Variants in FTO observed in about 807,000 individuals in gnomAD.
The protein encoded by FTO is FTO alpha-ketoglutarate dependent dioxygenase.
Under a neutral mutation model 63.9 loss-of-function variants are expected in FTO, and 47 were observed. The observed-to-expected ratio is 0.74, with a 90% CI of 0.58 to 0.94. The LOEUF (loss-of-function observed/expected upper bound fraction) is 0.94. FTO is among the 40% of genes least tolerant of loss of function. FTO has a pLI of 0.00. For synonymous variants in FTO, 207 were observed against 224.4 expected, an observed-to-expected ratio of 0.92 and a Z score of 0.69; for missense variants, 562 against 618.1, an observed-to-expected ratio of 0.91 and a Z score of 0.96.
intron 8 of FTO, among the ~76,000 whole-genome samples, chr16:53,982,165 C>A (rs1488199362): frequency 6.6e-6 from 1 of 152,114 alleles, no homozygotes; most frequent in African/African-American, 2.4e-5. Flanking sequence ...CCTCACCTCA[C>A]CACATTCTGT....
At chr16:53,987,631 C>T (rs1416089251) in intron 8 of FTO, among the ~76,000 whole-genome samples, 2 of 151,572 alleles carry the variant, frequency 1.3e-5, no homozygotes, top group African/African-American at 4.8e-5. Context: ...ATGGCTTCCC[C>T]CCATTCTATG....
In FTO at chr16:53,805,938, C is replaced by A. The variant is rs577097296; in HGVS notation, c.46-4202C>A. Among the ~76,000 whole-genome samples the A allele has an allele frequency of 2.0e-5, 3 of 152,284 alleles. No homozygotes were observed. In the South Asian group the frequency reaches 6.2e-4, roughly 32 times the overall value. On this transcript the variant is annotated intron_variant, in intron 1 of 8. Coordinates refer to ENST00000471389, the MANE Select transcript of FTO (RefSeq NM_001080432.3). Reference sequence around the variant, plus strand: ...GATGTATTTGACACAAGTGTGACAGCAAAGAAGTGTGTGAGCAGAGCAGTG... The same window carrying A: ...GATGTATTTGACACAAGTGTGACAGAAAAGAAGTGTGTGAGCAGAGCAGTG...
chr16:53,959,493 A>G (rs751791929), intron 8 of FTO, among the ~76,000 whole-genome samples: 26 of 151,954 alleles, frequency 1.7e-4, no homozygotes, highest in African/African-American at 2.2e-4. Flanking sequence ...TGTCAGTAGT[A>G]GCTAATAATA....
chr16:53,880,081 A>C, intron 6 of FTO, 94 bp downstream of exon 6: 1 of 893,722 alleles, frequency 1.1e-6, no homozygotes, highest in South Asian at 1.4e-5. Flanking sequence ...TACAACCTCC[A>C]TCTCCCAGGT....
chr16:53,951,460 C>T (rs1474647478), intron 8 of FTO, among the ~76,000 whole-genome samples: 9 of 152,140 alleles, frequency 5.9e-5, no homozygotes, highest in African/African-American at 4.8e-5. Context: ...GAGTTTGTGC[C>T]TAGGGAGACT....
At chr16:53,754,512 C>T (rs2076873877) in intron 1 of FTO, among the ~76,000 whole-genome samples, 1 of 152,192 alleles carries the variant, frequency 6.6e-6, no homozygotes, top group South Asian at 2.1e-4. Context: ...GTGGCGGATG[C>T]CTATAATCCC....
intron 3 of FTO, among the ~76,000 whole-genome samples, chr16:53,828,652 C>A (rs891780176): frequency 6.6e-6 from 1 of 152,292 alleles, no homozygotes; most frequent in East Asian, 1.9e-4. Context: ...GTCTTCCCAA[C>A]AATTCAAAGA....
intron 6 of FTO, 88 bp from the exon 7 acceptor site, chr16:53,888,744 C>A: frequency 7.1e-7 from 1 of 1,409,340 alleles, no homozygotes; most frequent in Non-Finnish European, 1.0e-6. Flanking sequence ...CATCAAGTTA[C>A]TGGAGGAGAA....
chr16:53,792,689 T>C (rs527496220), intron 1 of FTO, among the ~76,000 whole-genome samples: 10 of 152,294 alleles, frequency 6.6e-5, no homozygotes, highest in Admixed American at 1.3e-4. Flanking sequence ...CTCATGGAGC[T>C]CTATCCTCTG....
At chr16:53,832,787 G>A (rs1243691106) in intron 3 of FTO, among the ~76,000 whole-genome samples, 3 of 152,004 alleles carry the variant, frequency 2.0e-5, no homozygotes, top group Non-Finnish European at 2.9e-5. Flanking sequence ...CAGTTGAGTG[G>A]CATTAAGCAT....
chr16:54,009,195 C>T (rs7201494), intron 8 of FTO, among the ~76,000 whole-genome samples: 78,240 of 151,822 alleles, frequency 0.52, 22,466 homozygotes, highest in African/African-American at 0.77. Flanking sequence ...ACCCCTTTTT[C>T]TGCTGCTGTA....
intron 8 of FTO, among the ~76,000 whole-genome samples, chr16:54,083,543 T>C (rs574358869): frequency 1.8e-4 from 27 of 152,302 alleles, no homozygotes; most frequent in African/African-American, 5.5e-4. Context: ...TACAATAATA[T>C]GCCAGTTTTA....
intron 1 of FTO, among the ~76,000 whole-genome samples, chr16:53,756,009 G>T (rs1294989305): frequency 1.3e-5 from 2 of 152,200 alleles, no homozygotes; most frequent in East Asian, 3.8e-4. Context: ...TACACTTGCA[G>T]AAGATGAAAA....
intron 7 of FTO, among the ~76,000 whole-genome samples, chr16:53,928,077 C>G (rs916300080): frequency 6.6e-6 from 1 of 152,044 alleles, no homozygotes; most frequent in African/African-American, 2.4e-5. Context: ...TTATTATCAC[C>G]ATTTGGAGTT....
intron 8 of FTO, among the ~76,000 whole-genome samples, chr16:54,013,084 G>A (rs1166704075): frequency 6.6e-6 from 1 of 152,144 alleles, no homozygotes; most frequent in African/African-American, 2.4e-5. Flanking sequence ...CTTCTGGGAA[G>A]GATTCACCAT....
intron 1 of FTO, among the ~76,000 whole-genome samples, chr16:53,766,073 T>A (rs9930397): frequency 0.42 from 63,239 of 151,850 alleles, 13,381 homozygotes; most frequent in Non-Finnish European, 0.44. Context: ...AGTTGGTGAC[T>A]GTGCAGATAG....
Position 53,826,061 on chromosome 16 carries a change from G to A in FTO, c.321G>A (p.Lys107=), listed in dbSNP as rs1192984797. The change falls in exon 3 of 9, where the codon AAG becomes AAA. Residue 107 remains lysine (K), a synonymous_variant. Transcript: ENST00000471389. ...ILIGNPGCTY[K]YLNTRLFTVP... is the part of the protein sequence containing the mutation. ...TTGGTAATCCAGGCTGCACCTACAAGTACCTGAACACCAGGCTCTTTACGG... is the reference window on the plus strand; with the variant it reads ...TTGGTAATCCAGGCTGCACCTACAAATACCTGAACACCAGGCTCTTTACGG... The A allele has an allele frequency of 1.9e-6, 3 of 1,614,138 alleles. No homozygotes were observed. The highest frequency in any genetic ancestry group is 1.7e-6 in the Non-Finnish European group (2 of 1,180,028).
rs186979623 is a variant in FTO, at chr16:54,097,332, T to G, written c.1365-14430T>G. Among the ~76,000 whole-genome samples, 158 of 151,890 alleles carry G rather than the reference T, an allele frequency of 1.0e-3. 2 individuals carry two copies. Among genetic ancestry groups the G allele is most frequent in the East Asian group, 2.5e-3 (13 of 5,176 alleles). ...TAGCTTGCTCTTTTTTTGTTTTTTT[T>G]TTGTTGTTGTTGTTGTGTTGTTTTT... is the stretch of plus-strand genomic sequence containing the variant. On this transcript the variant is annotated intron_variant, in intron 8 of 8. Coordinates refer to ENST00000471389, the MANE Select transcript of FTO (RefSeq NM_001080432.3).
chr16:53,716,809 GA>G (rs1364203619), intron 1 of FTO, among the ~76,000 whole-genome samples: 1 of 150,936 alleles, frequency 6.6e-6, no homozygotes, highest in Non-Finnish European at 1.5e-5. Context: ...ATATGAGGCA[GA>G]AAAAAGTCTC....
Sources: gnomAD v4.1 joint callset for allele counts (sites outside exome capture counted in the v4.1 genomes callset) on GRCh38, gnomAD v4.1.1 for gene constraint, MANE v1.5 for transcripts, NCBI Gene and HGNC (gene_info 2026-07-23, HGNC 2026-07-21) for gene names.